Variants in RBFOX1 observed in about 807,000 individuals in gnomAD.
The protein encoded by RBFOX1 is RNA binding fox-1 homolog 1.
A neutral mutation model predicts 57.7 loss-of-function variants in RBFOX1; 8 were observed. The observed-to-expected ratio is 0.14, with a 90% CI of 0.08 to 0.25. The LOEUF (loss-of-function observed/expected upper bound fraction) is 0.25, where lower values mean the gene tolerates loss of function less well. Ranked by LOEUF, RBFOX1 falls within the 10% of genes least tolerant of loss-of-function variation. The pLI is 1.00. For missense variants in RBFOX1, 611 were observed against 548.5 expected (o/e 1.11, Z -1.14); for synonymous variants, 326 against 222.4 (o/e 1.47, Z -4.15).
intron 4 of RBFOX1, among the ~76,000 whole-genome samples, chr16:7,273,429 C>G (rs527721349): frequency 1.3e-5 from 2 of 152,108 alleles, no homozygotes; most frequent in South Asian, 2.1e-4. Flanking sequence ...CTAATCTAAA[C>G]AAGAATTATT....
intron 3 of RBFOX1, among the ~76,000 whole-genome samples, chr16:5,790,624 A>G (rs1481449825): frequency 6.6e-6 from 1 of 152,054 alleles, no homozygotes; most frequent in Admixed American, 6.5e-5. Context: ...CAGGCAAAAA[A>G]CATTTCTTAT....
chr16:6,720,811 A>G (rs1237749617), intron 3 of RBFOX1, among the ~76,000 whole-genome samples: 1 of 152,178 alleles, frequency 6.6e-6, no homozygotes, highest in Non-Finnish European at 1.5e-5. Flanking sequence ...CTGAAGGATT[A>G]AGGATGTTGC....
intron 3 of RBFOX1, among the ~76,000 whole-genome samples, chr16:5,770,249 A>C (rs2053932860): frequency 6.6e-6 from 1 of 151,820 alleles, no homozygotes; most frequent in Non-Finnish European, 1.5e-5. Context: ...AATAGAATGC[A>C]ATAATGAAAC....
At chr16:7,036,662 C>T (rs761574898) in intron 3 of RBFOX1, among the ~76,000 whole-genome samples, 21 of 151,420 alleles carry the variant, frequency 1.4e-4, no homozygotes, top group Non-Finnish European at 2.5e-4. Context: ...CACTGCACTC[C>T]AGCCTCGTCG....
chr16:5,828,974 C>T (rs971564487), intron 3 of RBFOX1, among the ~76,000 whole-genome samples: 1 of 152,118 alleles, frequency 6.6e-6, no homozygotes, highest in Non-Finnish European at 1.5e-5. Context: ...CTCCGGGTCT[C>T]CCACAGGCTG....
intron 3 of RBFOX1, among the ~76,000 whole-genome samples, chr16:5,630,922 T>C (rs146728857): frequency 6.6e-6 from 1 of 152,346 alleles, no homozygotes; most frequent in Non-Finnish European, 1.5e-5. Context: ...TCTGATGTTA[T>C]TTTCTCCATC....
chr16:6,831,982 G>A (rs576986624), intron 3 of RBFOX1, among the ~76,000 whole-genome samples: 56 of 152,310 alleles, frequency 3.7e-4, no homozygotes, highest in Non-Finnish European at 1.6e-4. Flanking sequence ...TTGCTAATGG[G>A]AATATACCGA....
chr16:6,673,695 G>C (rs944178017), intron 3 of RBFOX1, among the ~76,000 whole-genome samples: 2 of 152,172 alleles, frequency 1.3e-5, no homozygotes, highest in African/African-American at 2.4e-5. Context: ...TGGGTTCTGT[G>C]ACCCATGTGC....
At chr16:7,460,417 GTA>G (rs1167933227) in intron 4 of RBFOX1, among the ~76,000 whole-genome samples, 32,979 of 125,234 alleles carry the variant, frequency 0.26, 5,110 homozygotes, top group Non-Finnish European at 0.34. Flanking sequence ...GTGTGTGTGT[GTA>G]TATACATATG....
chr16:6,563,071 T>G (rs950125294), intron 2 of RBFOX1, among the ~76,000 whole-genome samples: 2 of 152,002 alleles, frequency 1.3e-5, no homozygotes, highest in Non-Finnish European at 2.9e-5. Flanking sequence ...CAGGGGGCCA[T>G]GGAGTATACT....
intron 2 of RBFOX1, among the ~76,000 whole-genome samples, chr16:6,634,052 T>C (rs570827713): frequency 6.6e-6 from 1 of 151,730 alleles, no homozygotes; most frequent in African/African-American, 2.4e-5. Context: ...GATGCATTTC[T>C]TATTGAATAA....
chr16:5,514,498 C>T (rs1008009689), intron 2 of RBFOX1, among the ~76,000 whole-genome samples: 1 of 152,166 alleles, frequency 6.6e-6, no homozygotes, highest in Non-Finnish European at 1.5e-5. Context: ...TAAGACCTGC[C>T]TCTTTAGTGA....
intron 1 of RBFOX1, among the ~76,000 whole-genome samples, chr16:6,275,288 G>A (rs1196660210): frequency 6.7e-6 from 1 of 149,184 alleles, no homozygotes; most frequent in Non-Finnish European, 1.5e-5. Flanking sequence ...TTCAGCCTGG[G>A]CGACAGAGTG....
chr16:6,824,490 T>C (rs935336595), intron 3 of RBFOX1, among the ~76,000 whole-genome samples: 1 of 152,224 alleles, frequency 6.6e-6, no homozygotes, highest in Non-Finnish European at 1.5e-5. Flanking sequence ...TGGTGTTTTG[T>C]AGTAAATTCT....
At chr16:5,598,885 T>G (rs1466865924) in intron 2 of RBFOX1, 2 of 1,489,776 alleles carry the variant, frequency 1.3e-6, no homozygotes, top group Admixed American at 4.7e-5. Context: ...TTTCTCTATT[T>G]GTTTGTTTTT....
chr16:6,193,344 CATATATATACATTATATATATAT>C (rs1598251817), intron 1 of RBFOX1, among the ~76,000 whole-genome samples: 1 of 66,730 alleles, frequency 1.5e-5, no homozygotes, highest in South Asian at 5.6e-4. Flanking sequence ...ATATTCTTTA[CATATATATACATTATATATATAT>C]ATATATATAC....
At chr16:6,986,815 GGTGCC>G (rs2090394433) in intron 3 of RBFOX1, among the ~76,000 whole-genome samples, 1 of 152,100 alleles carries the variant, frequency 6.6e-6, no homozygotes, top group Non-Finnish European at 1.5e-5. Flanking sequence ...CTGTAGGGCA[GGTGCC>G]TGTATGTTTC....
intron 2 of RBFOX1, among the ~76,000 whole-genome samples, chr16:6,380,819 T>G (rs922231551): frequency 6.6e-6 from 1 of 152,172 alleles, no homozygotes; most frequent in African/African-American, 2.4e-5. Context: ...CAGTTTGTGC[T>G]GCCTTCAGCA....
Position 6,894,170 on chromosome 16 carries a change from T to A in RBFOX1, c.-15-157887T>A, listed in dbSNP as rs1662127444. Among the ~76,000 whole-genome samples, 3 of 152,122 alleles carry A rather than the reference T, an allele frequency of 2.0e-5. No homozygotes were observed. The South Asian group carries it at 6.2e-4, about 32-fold the overall frequency. On this transcript the variant is annotated intron_variant, in intron 3 of 15. Transcript: ENST00000550418. ...CTATAATTGCTACCTATCTCTTGTC[T>A]GTCTGTCTGTCCTTTTTATTCAAAG...
Sources: gnomAD v4.1 joint callset for allele counts (sites outside exome capture counted in the v4.1 genomes callset) on GRCh38, gnomAD v4.1.1 for gene constraint, MANE v1.5 for transcripts, NCBI Gene and HGNC (gene_info 2026-07-23, HGNC 2026-07-21) for gene names.